The following OR3A2 variants were observed in gnomAD, a reference collection of about 807,000 sequenced individuals.
OR3A2 encodes the protein olfactory receptor family 3 subfamily A member 2, also known as olfactory receptor 3A2.
For synonymous variants in OR3A2, 126 were observed against 159.3 expected, an observed-to-expected ratio of 0.79 and a Z score of 1.57; for missense variants, 318 against 392.8, an observed-to-expected ratio of 0.81 and a Z score of 1.61.
chr17:3,300,474 A>C (rs35504963), intron 3 of OR3A2, among the ~76,000 whole-genome samples: 71,141 of 151,808 alleles, frequency 0.47, 18,115 homozygotes, highest in East Asian at 0.96. Flanking sequence ...CAGGAGAATC[A>C]CTTGAACCTG....
chr17:3,371,559 G>A (rs1399645693), intron 2 of OR3A2, among the ~76,000 whole-genome samples: 4 of 141,672 alleles, frequency 2.8e-5, no homozygotes, highest in Non-Finnish European at 4.6e-5. Flanking sequence ...GCGGCTGGCC[G>A]GGCGGGGGGC....
intron 3 of OR3A2, among the ~76,000 whole-genome samples, chr17:3,334,039 C>G (rs1465956310): frequency 1.3e-5 from 2 of 152,146 alleles, no homozygotes; most frequent in African/African-American, 4.8e-5. Flanking sequence ...AAATGTAAAT[C>G]AAAACCACAA....
chr17:3,351,879 C>T (rs1266517985), intron 2 of OR3A2, among the ~76,000 whole-genome samples: 1 of 152,096 alleles, frequency 6.6e-6, no homozygotes, highest in East Asian at 1.9e-4. Context: ...AATAACACCG[C>T]ATATCTACAA....
At chr17:3,338,721 T>C (rs2049291937) in intron 2 of OR3A2, among the ~76,000 whole-genome samples, 1 of 152,232 alleles carries the variant, frequency 6.6e-6, no homozygotes, top group South Asian at 2.1e-4. Flanking sequence ...TCCAGGTTTG[T>C]TCCTTTTGCT....
chr17:3,371,690 G>A (rs1335228248), intron 2 of OR3A2, among the ~76,000 whole-genome samples: 4 of 139,138 alleles, frequency 2.9e-5, no homozygotes, highest in Non-Finnish European at 3.2e-5. Flanking sequence ...CTGGCCGGGC[G>A]GGGGTGCTGA....
intron 2 of OR3A2, among the ~76,000 whole-genome samples, chr17:3,361,290 C>T (rs1036000087): frequency 6.6e-6 from 1 of 151,334 alleles, no homozygotes; most frequent in Admixed American, 6.6e-5. Flanking sequence ...GCTGAAGTTG[C>T]TTATCAGCTT....
intron 3 of OR3A2, among the ~76,000 whole-genome samples, chr17:3,302,691 T>C (rs2048974389): frequency 6.6e-6 from 1 of 152,192 alleles, no homozygotes; most frequent in Non-Finnish European, 1.5e-5. Context: ...ACATGTACAA[T>C]CCTACATGCC....
intron 2 of OR3A2, among the ~76,000 whole-genome samples, chr17:3,342,475 G>T (rs1207599131): frequency 6.6e-6 from 1 of 152,134 alleles, no homozygotes; most frequent in Non-Finnish European, 1.5e-5. Flanking sequence ...TTTTGTTGAT[G>T]TTGATGCTAT....
intron 2 of OR3A2, among the ~76,000 whole-genome samples, chr17:3,354,486 G>T (rs564643003): frequency 1.3e-5 from 2 of 150,994 alleles, no homozygotes; most frequent in Non-Finnish European, 3.0e-5. Flanking sequence ...TTGTATTTTG[G>T]ATTTCTTTAT....
chr17:3,367,628 T>A lies in OR3A2; in HGVS notation c.-179+16176A>T, dbSNP rs541051059. ...ATATATATATATATATATATGCCATTTTCTTTATCCACCTGTTGGTTGATG... is the reference window on the plus strand; with the variant it reads ...ATATATATATATATATATATGCCATATTCTTTATCCACCTGTTGGTTGATG... On this transcript the variant is annotated intron_variant, in intron 2 of 4. Coordinates refer to the OR3A2 transcript ENST00000573491. Among the ~76,000 whole-genome samples the A allele has an allele frequency of 3.1e-4, 46 of 148,526 alleles. 1 individual carries two copies. The South Asian group carries it at 9.2e-3, about 30-fold the overall frequency.
At chr17:3,280,842 G>A (rs1478276878) in intron 1 of OR3A2, among the ~76,000 whole-genome samples, 1 of 152,184 alleles carries the variant, frequency 6.6e-6, no homozygotes, top group East Asian at 1.9e-4. Flanking sequence ...TAGGGGTGTG[G>A]TCACCAAAAT....
chr17:3,350,517 G>A (rs2049411359), intron 2 of OR3A2, among the ~76,000 whole-genome samples: 1 of 152,020 alleles, frequency 6.6e-6, no homozygotes, highest in South Asian at 2.1e-4. Context: ...CCAATAACGG[G>A]AGCTGAAATT....
chr17:3,301,143 A>G (rs1197262834), intron 3 of OR3A2, among the ~76,000 whole-genome samples: 1 of 152,196 alleles, frequency 6.6e-6, no homozygotes, highest in East Asian at 1.9e-4. Context: ...ATGGTGCCAC[A>G]ATAAACATAC....
At chr17:3,369,530 C>G (rs1655026616) in intron 2 of OR3A2, among the ~76,000 whole-genome samples, 1 of 152,138 alleles carries the variant, frequency 6.6e-6, no homozygotes. Context: ...ATGGTGTATT[C>G]ATTTATTGAC....
intron 2 of OR3A2, among the ~76,000 whole-genome samples, chr17:3,363,175 A>C (rs2049533433): frequency 6.6e-6 from 1 of 151,868 alleles, no homozygotes. Context: ...ATTTCTCCCC[A>C]GAAAATGGGT....
chr17:3,343,669 C>T (rs1395742406), intron 2 of OR3A2, among the ~76,000 whole-genome samples: 3 of 152,094 alleles, frequency 2.0e-5, no homozygotes, highest in Admixed American at 6.5e-5. Context: ...GGGAAAAGAA[C>T]AAGTTTGGAG....
At chr17:3,357,723 A>AT (rs147628720) in intron 2 of OR3A2, among the ~76,000 whole-genome samples, 4 of 151,276 alleles carry the variant, frequency 2.6e-5, no homozygotes, top group Non-Finnish European at 4.4e-5. Context: ...ATAATTTTTA[A>AT]TTTTTTTTAT....
At chr17:3,306,120 C>T (rs1463879614) in intron 3 of OR3A2, among the ~76,000 whole-genome samples, 2 of 151,730 alleles carry the variant, frequency 1.3e-5, no homozygotes, top group African/African-American at 4.9e-5. Context: ...TGGCTGAGCT[C>T]CACTGGAGGC....
intron 3 of OR3A2, among the ~76,000 whole-genome samples, chr17:3,305,812 A>G (rs1192209399): frequency 6.6e-6 from 1 of 152,232 alleles, no homozygotes; most frequent in Non-Finnish European, 1.5e-5. Context: ...AAATGATTAG[A>G]CGTGTGTGGA....
Sources: gnomAD v4.1 joint callset for allele counts (sites outside exome capture counted in the v4.1 genomes callset) on GRCh38, gnomAD v4.1.1 for gene constraint, MANE v1.5 for transcripts, NCBI Gene and HGNC (gene_info 2026-07-23, HGNC 2026-07-21) for gene names.